The following IL7 variants were observed in gnomAD, a reference collection of about 807,000 sequenced individuals.
The protein encoded by IL7 is interleukin 7.
In IL7, 3 loss-of-function variants were observed where a neutral mutation model predicts 21.6. The ratio of observed to expected loss-of-function variants is 0.14; its 90% CI spans 0.06 to 0.36. The LOEUF (loss-of-function observed/expected upper bound fraction) is 0.36, where lower values mean the gene tolerates loss of function less well. IL7 is among the 10% of genes least tolerant of loss of function. The pLI, the probability that IL7 is intolerant of heterozygous loss-of-function variation, is 1.00. For missense variants in IL7, 175 were observed against 200.2 expected (o/e 0.87, Z 0.76); for synonymous variants, 62 against 68.1 (o/e 0.91, Z 0.44).
chr8:78,704,405 A>G, intron 3 of IL7, among the ~76,000 whole-genome samples: 1 of 151,750 alleles, frequency 6.6e-6, no homozygotes, highest in East Asian at 1.9e-4. Flanking sequence ...AAAAAAAAAA[A>G]AGAATGTTAA....
At chr8:78,687,636 A>ATATATATTATGTAATACAT (rs1563626734) in intron 3 of IL7, among the ~76,000 whole-genome samples, 1 of 129,986 alleles carries the variant, frequency 7.7e-6, no homozygotes, top group South Asian at 2.3e-4. Flanking sequence ...GTAATACATT[A>ATATATATTATGTAATACAT]TATATATATT....
intron 2 of IL7, chr8:78,762,537 G>A (rs954429701): frequency 1.6e-6 from 1 of 618,274 alleles, no homozygotes; most frequent in Non-Finnish European, 2.3e-6. Flanking sequence ...CGGCCGGCTC[G>A]GCAGGGCCGA....
downstream of IL7, among the ~76,000 whole-genome samples, chr8:78,675,321 A>G (rs1048210081): frequency 3.3e-5 from 5 of 151,922 alleles, no homozygotes; most frequent in African/African-American, 7.2e-5. Flanking sequence ...TGTACTTTCT[A>G]TTGTTTGGTG....
At chr8:78,762,159 T>C in intron 2 of IL7, 1 of 1,594,680 alleles carries the variant, frequency 6.3e-7, no homozygotes, top group Non-Finnish European at 8.6e-7. Flanking sequence ...TTCAAATGAC[T>C]GTTAAGATCA....
At chr8:78,689,316 T>A in intron 3 of IL7, 2 of 1,604,860 alleles carry the variant, frequency 1.2e-6, no homozygotes, top group Non-Finnish European at 1.7e-6. Flanking sequence ...CACGTATTAG[T>A]AATAAAGGGA....
intron 4 of IL7, among the ~76,000 whole-genome samples, chr8:78,683,930 A>G (rs1809870259): frequency 6.6e-6 from 1 of 152,222 alleles, no homozygotes. Flanking sequence ...CATAACAAGA[A>G]TCACCTTTGC....
In IL7 at chr8:78,722,501, G is replaced by C. The variant is rs182748039; in HGVS notation, n.268-1061C>G. ...AACTATTTTTCTTATACTGAAATAA[G>C]CATGTCTTTGGTATAGAAACCACAC... is the stretch of plus-strand genomic sequence containing the variant. On this transcript the variant is annotated intron_variant and non_coding_transcript_variant, in intron 3 of 6. Coordinates refer to the IL7 transcript ENST00000519833. 3.0e-4 allele frequency among the ~76,000 whole-genome samples: 45 copies of C among 151,916 alleles called. 1 individual carries two copies. Among genetic ancestry groups the C allele is most frequent in the Admixed American group, 2.5e-3 (38 of 15,218 alleles).
intron 2 of IL7, among the ~76,000 whole-genome samples, chr8:78,743,660 C>T (rs892618462): frequency 6.6e-6 from 1 of 151,998 alleles, no homozygotes; most frequent in African/African-American, 2.4e-5. Flanking sequence ...TATTTTGAAC[C>T]CTTGCTGGAG....
intron 3 of IL7, among the ~76,000 whole-genome samples, chr8:78,722,404 TTTTA>T (rs1354745384): frequency 1.4e-5 from 2 of 146,466 alleles, no homozygotes; most frequent in East Asian, 1.9e-4. Flanking sequence ...ATTTTAAAAT[TTTTA>T]TTTTTTGCTT....
intron 2 of IL7, among the ~76,000 whole-genome samples, chr8:78,765,523 C>T (rs536044725): frequency 6.6e-6 from 1 of 151,892 alleles, no homozygotes; most frequent in Non-Finnish European, 1.5e-5. Flanking sequence ...TGGCAAAAAA[C>T]CTGAATAAGC....
At chr8:78,684,056 C>G (rs1809874545) in intron 4 of IL7, among the ~76,000 whole-genome samples, 1 of 152,248 alleles carries the variant, frequency 6.6e-6, no homozygotes, top group South Asian at 2.1e-4. Context: ...TAGGAAGTTC[C>G]AAACTTTCCC....
chr8:78,746,427 T>G (rs1174491631), intron 2 of IL7, among the ~76,000 whole-genome samples: 1 of 152,232 alleles, frequency 6.6e-6, no homozygotes, highest in Non-Finnish European at 1.5e-5. Flanking sequence ...TTCTTCAATA[T>G]CCTTCCAAGA....
At chr8:78,777,920 C>T (rs907373188) in intron 2 of IL7, among the ~76,000 whole-genome samples, 8 of 152,000 alleles carry the variant, frequency 5.3e-5, no homozygotes, top group East Asian at 1.9e-4. Context: ...TCACATTCTT[C>T]GGCCTGGTAT....
At chr8:78,700,622 G>A (rs1478780432) in intron 3 of IL7, among the ~76,000 whole-genome samples, 1 of 151,876 alleles carries the variant, frequency 6.6e-6, no homozygotes, top group African/African-American at 2.4e-5. Flanking sequence ...TGTCTTCCAG[G>A]GTTTTTATAG....
intron 3 of IL7, among the ~76,000 whole-genome samples, chr8:78,702,023 T>C (rs1453798238): frequency 6.6e-6 from 1 of 152,180 alleles, no homozygotes; most frequent in Non-Finnish European, 1.5e-5. Flanking sequence ...CTTCTCAATT[T>C]TTTGGAATAA....
chr8:78,717,346 A>T (rs141485055), downstream of IL7: 1 of 1,609,066 alleles, frequency 6.2e-7, no homozygotes. Context: ...GGGACTGTGC[A>T]TCTTCCCTTA....
chr8:78,774,001 C>A (rs11776228), intron 2 of IL7, among the ~76,000 whole-genome samples: 1 of 151,770 alleles, frequency 6.6e-6, no homozygotes, highest in African/African-American at 2.4e-5. Context: ...TAGTTTGGAA[C>A]GCCACTGTGA....
intron 2 of IL7, among the ~76,000 whole-genome samples, chr8:78,780,836 A>C (rs896209368): frequency 2.0e-5 from 3 of 152,162 alleles, no homozygotes; most frequent in African/African-American, 7.2e-5. Flanking sequence ...TGCAGTGTTA[A>C]ATTCTCTCAC....
intron 3 of IL7, among the ~76,000 whole-genome samples, chr8:78,698,793 G>T (rs555604528): frequency 1.3e-5 from 2 of 152,060 alleles, no homozygotes; most frequent in Non-Finnish European, 1.5e-5. Flanking sequence ...AAATGTTGAC[G>T]ATTTTTATAC....
Sources: allele counts gnomAD v4.1 joint callset (sites outside exome capture counted in the v4.1 genomes callset), GRCh38; gene constraint gnomAD v4.1.1; transcripts MANE v1.5; gene names NCBI Gene and HGNC (gene_info 2026-07-23, HGNC 2026-07-21).